Variants in NDST4 observed in about 807,000 individuals in gnomAD.
The protein encoded by NDST4 is N-heparan sulfate sulfotransferase 4.
NDST4 carries 63 observed loss-of-function variants against 100.8 expected under a neutral mutation model. The ratio of observed to expected loss-of-function variants is 0.62; its 90% CI spans 0.51 to 0.77. The LOEUF (loss-of-function observed/expected upper bound fraction) is 0.77, where lower values mean the gene tolerates loss of function less well. Among genes scored for constraint, NDST4 ranks in the 30% least tolerant of loss-of-function variants. The pLI is 0.00. For missense variants in NDST4, 943 were observed against 1,018.4 expected (o/e 0.93, Z 1.01); for synonymous variants, 377 against 361.8 (o/e 1.04, Z -0.48).
intron 2 of NDST4, among the ~76,000 whole-genome samples, chr4:115,061,940 A>G (rs1232084973): frequency 6.6e-6 from 1 of 152,102 alleles, no homozygotes; most frequent in Non-Finnish European, 1.5e-5. Flanking sequence ...TTAGTTAATC[A>G]TATATTTTAG....
chr4:114,909,231 T>C (rs1229027515), intron 6 of NDST4, among the ~76,000 whole-genome samples: 1 of 152,192 alleles, frequency 6.6e-6, no homozygotes, highest in African/African-American at 2.4e-5. Flanking sequence ...AAGTTAATGT[T>C]TTCTCATGAC....
At chr4:115,086,809 A>G (rs1000383647) in intron 1 of NDST4, among the ~76,000 whole-genome samples, 14 of 152,244 alleles carry the variant, frequency 9.2e-5, no homozygotes, top group Non-Finnish European at 1.6e-4. Context: ...TATTAAAAGC[A>G]ACTGCAAATT....
intron 6 of NDST4, among the ~76,000 whole-genome samples, chr4:114,933,540 G>A (rs375145324): frequency 1.4e-4 from 21 of 145,500 alleles, no homozygotes; most frequent in African/African-American, 2.3e-4. Flanking sequence ...GCACAGCAAC[G>A]GACATAAATA....
chr4:114,833,765 A>G (rs746769383), intron 11 of NDST4, 50 bp from the exon 12 acceptor site: 5 of 1,178,490 alleles, frequency 4.2e-6, no homozygotes, highest in Non-Finnish European at 1.2e-6. Context: ...TAAATTGAAT[A>G]GACTGTGATG....
At chr4:114,862,699 A>G (rs1189677701) in intron 7 of NDST4, among the ~76,000 whole-genome samples, 1 of 152,170 alleles carries the variant, frequency 6.6e-6, no homozygotes, top group African/African-American at 2.4e-5. Flanking sequence ...AAATAAGCAG[A>G]TTTAATATAA....
At chr4:115,019,570 A>G (rs759816682) in intron 2 of NDST4, among the ~76,000 whole-genome samples, 3 of 152,142 alleles carry the variant, frequency 2.0e-5, no homozygotes, top group Non-Finnish European at 4.4e-5. Flanking sequence ...AGCCTCCTGG[A>G]GAATGTCATG....
intron 2 of NDST4, among the ~76,000 whole-genome samples, chr4:115,064,589 C>G (rs1728893150): frequency 6.6e-6 from 1 of 151,986 alleles, no homozygotes; most frequent in African/African-American, 2.4e-5. Flanking sequence ...ACACTGTTCT[C>G]TTTTGAGTCA....
At chr4:114,846,236 G>A (rs1723548029) in intron 9 of NDST4, among the ~76,000 whole-genome samples, 1 of 152,166 alleles carries the variant, frequency 6.6e-6, no homozygotes, top group Non-Finnish European at 1.5e-5. Flanking sequence ...AGGCCAATAA[G>A]GGTCAAAGGA....
At chr4:115,081,760 C>A (rs1473203621) in intron 1 of NDST4, among the ~76,000 whole-genome samples, 3 of 152,154 alleles carry the variant, frequency 2.0e-5, no homozygotes, top group Non-Finnish European at 4.4e-5. Context: ...CAGGAAGACC[C>A]TGGGACAAGT....
At chr4:114,930,620 T>G (rs1725491218) in intron 6 of NDST4, among the ~76,000 whole-genome samples, 1 of 152,160 alleles carries the variant, frequency 6.6e-6, no homozygotes, top group African/African-American at 2.4e-5. Flanking sequence ...TATAGCTTTG[T>G]TGACAGTGTA....
intron 4 of NDST4, among the ~76,000 whole-genome samples, chr4:114,957,055 G>T (rs574569988): frequency 3.9e-5 from 6 of 152,116 alleles, no homozygotes; most frequent in Non-Finnish European, 7.4e-5. Flanking sequence ...ACAAAGGTAT[G>T]ATGACAATAT....
chr4:114,968,056 C>T (rs139591299), intron 4 of NDST4, among the ~76,000 whole-genome samples: 1 of 152,158 alleles, frequency 6.6e-6, no homozygotes, highest in Non-Finnish European at 1.5e-5. Context: ...AACAGATAAT[C>T]TGGTGCCTGA....
chr4:115,001,636 A>G (rs1269718699), intron 2 of NDST4, among the ~76,000 whole-genome samples: 6 of 151,966 alleles, frequency 3.9e-5, no homozygotes, highest in African/African-American at 1.2e-4. Flanking sequence ...CTAATATAAT[A>G]TACTATATAT....
At chr4:115,098,146 T>C (rs1290891658) in intron 1 of NDST4, among the ~76,000 whole-genome samples, 3 of 152,172 alleles carry the variant, frequency 2.0e-5, no homozygotes, top group Non-Finnish European at 4.4e-5. Context: ...TGCAAACTCT[T>C]TGAAGCTGGA....
At position 115,077,093 on chromosome 4, in the gene NDST4, G is replaced by A; in HGVS notation, c.-57C>T. The A allele has an allele frequency of 6.9e-7, 1 of 1,452,276 alleles. No individual in the cohort carries two copies. Among genetic ancestry groups the A allele is most frequent in the Non-Finnish European group, 9.3e-7 (1 of 1,081,068 alleles). 90.0% of individuals were successfully genotyped at this position (1,452,276 alleles called of 1,614,324 possible). A position where few individuals can be genotyped will look rare whatever the true frequency, so the allele number is the denominator to read the frequency against. On this transcript the variant is annotated 5_prime_UTR_variant, in exon 2 of 14. Transcript: ENST00000264363. The stretch of plus-strand genomic sequence containing the variant: ...CAATTTCGTTTCCTAAAGTGCCATA[G>A]TGAATAAAGTATGAGATGTTGCAAA...
At chr4:114,960,091 T>G (rs138723297) in intron 4 of NDST4, among the ~76,000 whole-genome samples, 4,146 of 152,194 alleles carry the variant, frequency 0.027, 96 homozygotes, top group South Asian at 0.048. Flanking sequence ...CACTTCTCAA[T>G]AGAAACTGTG....
At chr4:114,945,487 G>C (rs938972490) in intron 4 of NDST4, among the ~76,000 whole-genome samples, 1 of 152,078 alleles carries the variant, frequency 6.6e-6, no homozygotes, top group African/African-American at 2.4e-5. Flanking sequence ...TTGGTACATT[G>C]TTGGTATTTG....
At chr4:115,024,591 TA>T (rs1727939111) in intron 2 of NDST4, among the ~76,000 whole-genome samples, 1 of 152,130 alleles carries the variant, frequency 6.6e-6, no homozygotes, top group South Asian at 2.1e-4. Flanking sequence ...TTTACAGACT[TA>T]AAGCTGGAGG....
chr4:114,923,152 T>C (rs191351788), intron 6 of NDST4, among the ~76,000 whole-genome samples: 1 of 152,318 alleles, frequency 6.6e-6, no homozygotes, highest in Admixed American at 6.5e-5. Flanking sequence ...TTTACATACA[T>C]ACTCCATATC....
Sources: allele counts gnomAD v4.1 joint callset (sites outside exome capture counted in the v4.1 genomes callset), GRCh38; gene constraint gnomAD v4.1.1; transcripts MANE v1.5; gene names NCBI Gene and HGNC (gene_info 2026-07-23, HGNC 2026-07-21).